Variants in COL23A1 observed in about 807,000 individuals in gnomAD.
COL23A1 encodes collagen type XXIII alpha 1 chain, also known as collagen alpha-1(XXIII) chain.
COL23A1 carries 97 observed loss-of-function variants against 99.3 expected under a neutral mutation model. That is an observed-to-expected ratio of 0.98 (90% CI 0.83 to 1.16). COL23A1 has a LOEUF of 1.16. COL23A1 is among the 50% of genes most tolerant of loss of function. The probability of loss-of-function intolerance (pLI) is 0.00; values close to 1 mark genes in which losing one functional copy is unlikely to be tolerated. For synonymous variants in COL23A1, 320 were observed against 308.2 expected, an observed-to-expected ratio of 1.04 and a Z score of -0.40; for missense variants, 762 against 757.4, an observed-to-expected ratio of 1.01 and a Z score of -0.07.
chr5:178,526,017 G>C (rs1449084278), intron 2 of COL23A1, among the ~76,000 whole-genome samples: 1 of 152,234 alleles, frequency 6.6e-6, no homozygotes, highest in African/African-American at 2.4e-5. Context: ...AGTCAGCACT[G>C]CACAGGCAGG....
chr5:178,377,058 C>T (rs962657483), intron 2 of COL23A1, among the ~76,000 whole-genome samples: 10 of 152,334 alleles, frequency 6.6e-5, no homozygotes, highest in Middle Eastern at 3.4e-3. Flanking sequence ...AGGACAAATG[C>T]GATGCCCCGC....
At chr5:178,317,341 C>G (rs571575436) in intron 2 of COL23A1, among the ~76,000 whole-genome samples, 4 of 152,344 alleles carry the variant, frequency 2.6e-5, no homozygotes, top group African/African-American at 9.6e-5. Context: ...TTTATTTAGC[C>G]TTTACTGTTG....
intron 1 of COL23A1, among the ~76,000 whole-genome samples, chr5:178,585,764 A>AGCCCTGGATGGCGCTGGG (rs1763965124): frequency 4.3e-5 from 1 of 23,030 alleles, no homozygotes. Context: ...GTTGCTCCCC[A>AGCCCTGGATGGCGCTGGG]GTAGCCATGC....
intron 2 of COL23A1, among the ~76,000 whole-genome samples, chr5:178,416,380 T>A (rs1047356200): frequency 6.6e-6 from 1 of 152,160 alleles, no homozygotes; most frequent in Non-Finnish European, 1.5e-5. Context: ...TGACCGGAGC[T>A]CGGCACCTGT....
chr5:178,239,376 G>C (rs898970673), intron 27 of COL23A1, among the ~76,000 whole-genome samples, 197 bp from the exon 28 acceptor site: 1 of 152,230 alleles, frequency 6.6e-6, no homozygotes, highest in Non-Finnish European at 1.5e-5. Flanking sequence ...GGGAACGACG[G>C]CCTCTCACTG....
chr5:178,384,475 G>A lies in COL23A1; in HGVS notation c.362-77556C>T, dbSNP rs558655628. Reference sequence around the variant, plus strand: ...TCTCCTCCCTGCCCACCCCTCCCTCGGCTTTTTGGAGGCCACGTGGACGGC... The same window carrying A: ...TCTCCTCCCTGCCCACCCCTCCCTCAGCTTTTTGGAGGCCACGTGGACGGC... On this transcript the variant is annotated intron_variant, in intron 2 of 28. Transcript: ENST00000390654. This position sits in a 1 kb window ranked among gnomAD's most constrained non-coding sequence, Gnocchi z 5.5. 3.9e-5 allele frequency among the ~76,000 whole-genome samples: 6 copies of A among 152,104 alleles called. No individual in the cohort carries two copies. The highest frequency in any genetic ancestry group is 4.2e-4 in the South Asian group (2 of 4,804).
At chr5:178,466,186 C>T (rs1269727413) in intron 2 of COL23A1, among the ~76,000 whole-genome samples, 2 of 152,110 alleles carry the variant, frequency 1.3e-5, no homozygotes, top group African/African-American at 2.4e-5. Context: ...GCCTCTCCAG[C>T]CTCCTCCCTC....
rs117416804 is a variant in COL23A1, at chr5:178,537,747, G to A, written c.361+22935C>T. On this transcript the variant is annotated intron_variant, in intron 2 of 28. Transcript: ENST00000390654. ...AAAATATACACGGCATGACGTTTAC[G>A]TGGTGAAACGTGCGCGGCACGACGT... 4.3e-4 allele frequency among the ~76,000 whole-genome samples: 66 copies of A among 152,358 alleles called. No homozygotes were observed. In the East Asian group the frequency reaches 0.012, roughly 27 times the overall value.
At chr5:178,541,997 T>C (rs997263987) in intron 2 of COL23A1, among the ~76,000 whole-genome samples, 5 of 152,226 alleles carry the variant, frequency 3.3e-5, no homozygotes, top group African/African-American at 9.6e-5. Context: ...ACTTACGATA[T>C]GTGCTCTTGC....
At chr5:178,312,185 C>T (rs938266449) in intron 2 of COL23A1, among the ~76,000 whole-genome samples, 15 of 152,288 alleles carry the variant, frequency 9.8e-5, no homozygotes, top group Middle Eastern at 3.4e-3. Flanking sequence ...CGTGGGAAGC[C>T]GGGAGCTTTC....
At chr5:178,491,168 AAG>A (rs1757915306) in intron 2 of COL23A1, among the ~76,000 whole-genome samples, 1 of 151,216 alleles carries the variant, frequency 6.6e-6, no homozygotes, top group Non-Finnish European at 1.5e-5. Context: ...GAGAAAGGGA[AAG>A]AGAGAGAAGA....
intron 16 of COL23A1, among the ~76,000 whole-genome samples, chr5:178,253,902 G>C (rs147912056): frequency 6.6e-6 from 1 of 151,558 alleles, no homozygotes; most frequent in African/African-American, 2.4e-5. Flanking sequence ...GGTGGCTCAC[G>C]CCTATAATCC....
In COL23A1 at chr5:178,257,375, G is replaced by A. The variant is rs1561796584; in HGVS notation, c.774+148C>T. ...GCTGGGCCTGTTGTGTGGTGGGGCC[G>A]CGGCCTTCCTCTGCCTCTCTCCGGC... On this transcript the variant is annotated intron_variant, in intron 13 of 28. Coordinates refer to ENST00000390654, the MANE Select transcript of COL23A1 (RefSeq NM_173465.4). The A allele has an allele frequency of 8.0e-6, 7 of 874,624 alleles. No homozygotes were observed. The Admixed American group carries it at 8.3e-5, about 10-fold the overall frequency. The allele number at this position is 874,624 out of a possible 1,614,324, so 54.2% of individuals were successfully genotyped here.
intron 2 of COL23A1, among the ~76,000 whole-genome samples, chr5:178,348,086 T>C (rs1397986374): frequency 6.6e-6 from 1 of 151,922 alleles, no homozygotes; most frequent in African/African-American, 2.4e-5. Flanking sequence ...CATGCCTCCA[T>C]GTGCCTCCTG....
chr5:178,292,311 CCT>C (rs1437834386), intron 3 of COL23A1, among the ~76,000 whole-genome samples: 1 of 152,214 alleles, frequency 6.6e-6, no homozygotes, highest in Non-Finnish European at 1.5e-5. Flanking sequence ...GCCACTGTCC[CCT>C]CTGTATTGCC....
At chr5:178,285,131 A>C (rs1012769698) in intron 5 of COL23A1, among the ~76,000 whole-genome samples, 2 of 152,194 alleles carry the variant, frequency 1.3e-5, no homozygotes, top group Admixed American at 6.5e-5. Context: ...GACTTCCTCA[A>C]GTCCACAACC....
chr5:178,245,991 T>C (rs1764671988), intron 24 of COL23A1, 23 bp from the exon 25 acceptor site: 1 of 1,613,364 alleles, frequency 6.2e-7, no homozygotes, highest in African/African-American at 1.3e-5. Context: ...ACAGAGTGGG[T>C]GAGAGGGGTT....
Position 178,340,893 on chromosome 5 carries a change from G to A in COL23A1, c.362-33974C>T, listed in dbSNP as rs1760618188. 6.6e-6 allele frequency among the ~76,000 whole-genome samples: 1 copy of A among 152,222 alleles called. No individual in the cohort carries two copies. The highest frequency in any genetic ancestry group is 6.5e-5 in the Admixed American group (1 of 15,288). ...GCATGGCTGATGTGCATGGGCGCGGGGCTCAAGGTCAGACCCCGCAGGGGT... is the reference window on the plus strand; with the variant it reads ...GCATGGCTGATGTGCATGGGCGCGGAGCTCAAGGTCAGACCCCGCAGGGGT... On this transcript the variant is annotated intron_variant, in intron 2 of 28. Transcript: ENST00000390654. The surrounding 1 kb of genome is among the most constrained non-coding windows in gnomAD (Gnocchi z 4.7).
Position 178,433,263 on chromosome 5 carries a change from A to G in COL23A1, c.362-126344T>C, listed in dbSNP as rs561709163. The stretch of plus-strand genomic sequence containing the variant: ...CACGACCGCCTCCTCAGGCTCGGTG[A>G]TTTGCTAGAGTGTTTCACAGAACTC... On this transcript the variant is annotated intron_variant, in intron 2 of 28. Transcript: ENST00000390654. Among the ~76,000 whole-genome samples the G allele has an allele frequency of 7.2e-5, 11 of 152,042 alleles. No individual in the cohort carries two copies. The East Asian group carries it at 2.1e-3, about 29-fold the overall frequency.
Sources: gnomAD v4.1 joint callset for allele counts (sites outside exome capture counted in the v4.1 genomes callset) on GRCh38, gnomAD v4.1.1 for gene constraint, Gnocchi (gnomAD v3.1) non-coding constraint, MANE v1.5 for transcripts, NCBI Gene and HGNC (gene_info 2026-07-23, HGNC 2026-07-21) for gene names.